REEP3: variants seen among roughly 807,000 people sequenced by gnomAD.
The protein encoded by REEP3 is receptor accessory protein 3.
In REEP3, 20 loss-of-function variants were observed where a neutral mutation model predicts 41.3. The ratio of observed to expected loss-of-function variants is 0.48; its 90% confidence interval spans 0.34 to 0.70. The LOEUF (loss-of-function observed/expected upper bound fraction) is 0.70. REEP3 is among the 30% of genes least tolerant of loss of function. REEP3 has a pLI of 0.01. For missense variants in REEP3, 271 were observed against 308.8 expected (o/e 0.88, Z 0.92); for synonymous variants, 104 against 101.8 (o/e 1.02, Z -0.13).
At chr10:63,547,283 A>G (rs1396605989) in intron 1 of REEP3, among the ~76,000 whole-genome samples, 1 of 152,230 alleles carries the variant, frequency 6.6e-6, no homozygotes, top group African/African-American at 2.4e-5. Context: ...AGCATTAATC[A>G]TGAAAGAAAA....
At chr10:63,533,108 A>C (rs1564991576) in intron 1 of REEP3, among the ~76,000 whole-genome samples, 1 of 152,214 alleles carries the variant, frequency 6.6e-6, no homozygotes, top group South Asian at 2.1e-4. Flanking sequence ...TCATGAGTGC[A>C]GTGTGTATAC....
intron 1 of REEP3, among the ~76,000 whole-genome samples, chr10:63,541,885 T>A (rs1012911112): frequency 1.3e-5 from 2 of 152,230 alleles, no homozygotes; most frequent in Non-Finnish European, 2.9e-5. Flanking sequence ...ATTGTTTTTA[T>A]GAAATTATAA....
chr10:63,572,016 T>C (rs1006463349), intron 2 of REEP3, among the ~76,000 whole-genome samples: 6 of 152,154 alleles, frequency 3.9e-5, no homozygotes, highest in Non-Finnish European at 8.8e-5. Flanking sequence ...AAGCTGGACG[T>C]TCGGGGGCCA....
At chr10:63,538,664 G>A (rs1468165470) in intron 1 of REEP3, among the ~76,000 whole-genome samples, 1 of 152,166 alleles carries the variant, frequency 6.6e-6, no homozygotes, top group Non-Finnish European at 1.5e-5. Context: ...AACCCAGGAA[G>A]CAGAGGTTGC....
chr10:63,522,249 C>G (rs1955281944), intron 1 of REEP3, among the ~76,000 whole-genome samples: 1 of 151,494 alleles, frequency 6.6e-6, no homozygotes, highest in Non-Finnish European at 1.5e-5. Flanking sequence ...CCCAGATCCC[C>G]GAATTCGGCC....
intron 6 of REEP3, among the ~76,000 whole-genome samples, chr10:63,617,502 T>G (rs959447960): frequency 6.6e-6 from 1 of 152,104 alleles, no homozygotes; most frequent in African/African-American, 2.4e-5. Flanking sequence ...CAGGCTCAGG[T>G]GATCCTCCTA....
chr10:63,564,717 A>G (rs933936449), intron 1 of REEP3, among the ~76,000 whole-genome samples: 2 of 151,714 alleles, frequency 1.3e-5, no homozygotes, highest in Non-Finnish European at 1.5e-5. Context: ...GATGATACCT[A>G]TGATCAGCAA....
At chr10:63,561,546 C>T (rs1955739303) in intron 1 of REEP3, among the ~76,000 whole-genome samples, 1 of 152,138 alleles carries the variant, frequency 6.6e-6, no homozygotes, top group Non-Finnish European at 1.5e-5. Context: ...GTTCTGATGC[C>T]ACCCCCAGAG....
chr10:63,527,645 C>T (rs974812353), intron 1 of REEP3, among the ~76,000 whole-genome samples: 1 of 151,878 alleles, frequency 6.6e-6, no homozygotes, highest in Admixed American at 6.6e-5. Context: ...CATGCCACTG[C>T]ACTCCAGCCT....
intron 1 of REEP3, among the ~76,000 whole-genome samples, chr10:63,556,629 G>GTTTTT (rs1564477633): frequency 1.5e-4 from 2 of 13,394 alleles, no homozygotes; most frequent in African/African-American, 3.7e-4. Flanking sequence ...TTTTTTTGTT[G>GTTTTT]TTTTGTTTTT....
intron 6 of REEP3, among the ~76,000 whole-genome samples, 174 bp downstream of exon 6, chr10:63,610,508 C>A (rs1472277246): frequency 6.6e-6 from 1 of 152,012 alleles, no homozygotes; most frequent in African/African-American, 2.4e-5. Flanking sequence ...CAGCAAACCA[C>A]CATGGCACAT....
At chr10:63,574,265 C>T (rs1015453760) in intron 2 of REEP3, among the ~76,000 whole-genome samples, 1 of 152,150 alleles carries the variant, frequency 6.6e-6, no homozygotes, top group African/African-American at 2.4e-5. Flanking sequence ...TTTCTCTGTT[C>T]TTATAGCTTC....
chr10:63,557,844 A>G (rs543121793), intron 1 of REEP3, among the ~76,000 whole-genome samples: 15 of 152,364 alleles, frequency 9.8e-5, no homozygotes, highest in Non-Finnish European at 1.6e-4. Context: ...GAGGACCACA[A>G]GTGTTGATAT....
Position 63,594,828 on chromosome 10 carries a change from A to C in REEP3, c.156A>C (p.Glu52Asp), listed in dbSNP as rs1956098863. The C allele has an allele frequency of 6.2e-7, 1 of 1,611,708 alleles. No homozygotes were observed. The highest frequency in any genetic ancestry group is 1.7e-5 in the Admixed American group (1 of 59,996). The change falls in exon 3 of 8, where the codon GAA (glutamate) becomes GAC (aspartate). Residue 52 changes from glutamate (E) to aspartate (D), a missense_variant. Coordinates refer to ENST00000373758, the MANE Select transcript of REEP3 (RefSeq NM_001001330.3). Reference sequence around the variant, plus strand: ...TTTTTGCTCTCTATACTGTGATTGAAACAGTAGCCGATCAAACAGTTGCTT... The same window carrying C: ...TTTTTGCTCTCTATACTGTGATTGACACAGTAGCCGATCAAACAGTTGCTT... The part of the protein sequence containing the change: ...WIVFALYTVI[E>D]TVADQTVAWF...
chr10:63,553,649 T>A (rs1165272302), intron 1 of REEP3, among the ~76,000 whole-genome samples: 1 of 152,224 alleles, frequency 6.6e-6, no homozygotes, highest in East Asian at 1.9e-4. Flanking sequence ...CATGTGATAC[T>A]GAATGAATTG....
chr10:63,562,328 G>T (rs1955748748), intron 1 of REEP3, among the ~76,000 whole-genome samples: 1 of 151,706 alleles, frequency 6.6e-6, no homozygotes, highest in South Asian at 2.1e-4. Context: ...CACGATCTCG[G>T]CTCATTGCAG....
chr10:63,601,687 G>A (rs1252302666), intron 5 of REEP3, among the ~76,000 whole-genome samples: 1 of 152,176 alleles, frequency 6.6e-6, no homozygotes, highest in Non-Finnish European at 1.5e-5. Flanking sequence ...GGGAGGCCGA[G>A]GTAGGTGGAT....
intron 1 of REEP3, among the ~76,000 whole-genome samples, chr10:63,547,960 T>C (rs912817321): frequency 6.6e-6 from 1 of 152,216 alleles, no homozygotes; most frequent in African/African-American, 2.4e-5. Context: ...AAAGAATGCC[T>C]ATTTTCTTCT....
At chr10:63,542,860 G>T (rs781774601) in intron 1 of REEP3, among the ~76,000 whole-genome samples, 1 of 152,130 alleles carries the variant, frequency 6.6e-6, no homozygotes, top group Non-Finnish European at 1.5e-5. Flanking sequence ...GTCTAACTTA[G>T]GTACGACCTC....
Sources: allele counts gnomAD v4.1 joint callset (sites outside exome capture counted in the v4.1 genomes callset), GRCh38; gene constraint gnomAD v4.1.1; transcripts MANE v1.5; gene names NCBI Gene and HGNC (gene_info 2026-07-23, HGNC 2026-07-21).